RIMS1: variants seen among roughly 807,000 people sequenced by gnomAD.
RIMS1 encodes regulating synaptic membrane exocytosis 1, also known as regulating synaptic membrane exocytosis protein 1.
In RIMS1, 83 loss-of-function variants were observed where a neutral mutation model predicts 214.1. The ratio of observed to expected loss-of-function variants is 0.39; its 90% CI spans 0.32 to 0.47. The LOEUF (loss-of-function observed/expected upper bound fraction) is 0.47. Ranked by LOEUF, RIMS1 falls within the 20% of genes least tolerant of loss-of-function variation. The probability of loss-of-function intolerance (pLI) is 0.99; values close to 1 mark genes in which losing one functional copy is unlikely to be tolerated. For synonymous variants in RIMS1, 793 were observed against 786.8 expected (o/e 1.01, Z -0.13); for missense variants, 2,050 against 2,161.8 (o/e 0.95, Z 1.03).
In RIMS1 at chr6:72,042,139, G is replaced by T. The variant is rs372033345; in HGVS notation, c.246-54810G>T. Among the ~76,000 whole-genome samples the T allele has an allele frequency of 2.0e-5, 3 of 151,864 alleles. No individual in the cohort carries two copies. The East Asian group carries it at 5.8e-4, about 29-fold the overall frequency. The stretch of plus-strand genomic sequence containing the variant: ...TATTTTAAGATAACACACAATATTG[G>T]TATTAGTTTTGTCACAAATTGACTA... On this transcript the variant is annotated intron_variant, in intron 2 of 33. Coordinates refer to ENST00000521978, the MANE Select transcript of RIMS1 (RefSeq NM_014989.7).
intron 31 of RIMS1, among the ~76,000 whole-genome samples, chr6:72,393,350 G>A (rs2098731218): frequency 2.0e-5 from 3 of 152,174 alleles, no homozygotes; most frequent in Admixed American, 2.0e-4. Flanking sequence ...ACAACATAGT[G>A]GAATTTCACA....
chr6:72,277,933 G>A (rs2087527457), intron 23 of RIMS1, among the ~76,000 whole-genome samples: 1 of 152,106 alleles, frequency 6.6e-6, no homozygotes. Flanking sequence ...AAGCATCAGA[G>A]TTCTGAGTTT....
At chr6:71,899,211 G>T (rs750482026) in intron 1 of RIMS1, among the ~76,000 whole-genome samples, 3 of 151,882 alleles carry the variant, frequency 2.0e-5, no homozygotes, top group Non-Finnish European at 4.4e-5. Flanking sequence ...TCCCTGAAAG[G>T]TACATTTTTA....
At chr6:72,259,959 C>T (rs1044981747) in intron 18 of RIMS1, among the ~76,000 whole-genome samples, 1 of 152,060 alleles carries the variant, frequency 6.6e-6, no homozygotes, top group African/African-American at 2.4e-5. Flanking sequence ...CTTAACCTAC[C>T]TAATTGCCAT....
At chr6:72,141,621 T>C (rs2042089741) in intron 4 of RIMS1, among the ~76,000 whole-genome samples, 1 of 152,058 alleles carries the variant, frequency 6.6e-6, no homozygotes. Context: ...TAATTTTCCT[T>C]ACATTTTGAC....
intron 26 of RIMS1, among the ~76,000 whole-genome samples, chr6:72,303,516 A>G (rs539432097): frequency 8.6e-5 from 13 of 151,350 alleles, no homozygotes; most frequent in African/African-American, 3.1e-4. Flanking sequence ...AATTATATTT[A>G]TTTTTCTTAT....
chr6:72,268,093 G>T (rs920636806), intron 22 of RIMS1, among the ~76,000 whole-genome samples: 5 of 152,014 alleles, frequency 3.3e-5, no homozygotes, highest in African/African-American at 1.2e-4. Context: ...CTTAGATAAG[G>T]TTTCATCAAG....
intron 6 of RIMS1, among the ~76,000 whole-genome samples, chr6:72,208,494 A>G (rs1249008327): frequency 6.6e-6 from 1 of 152,222 alleles, no homozygotes; most frequent in Non-Finnish European, 1.5e-5. Context: ...GGCTTTGTAA[A>G]TTGGAATCCT....
rs1013105964 is a variant in RIMS1 at position 72,122,597 on chromosome 6, G to T, written c.471+22611G>T. Reference sequence around the variant, plus strand: ...TCTGGTGGAATTTGGCTGTGAATTTGTCTGGTCCTGGACTTTTTTTGGTTT... The same window carrying T: ...TCTGGTGGAATTTGGCTGTGAATTTTTCTGGTCCTGGACTTTTTTTGGTTT... On this transcript the variant is annotated intron_variant, in intron 4 of 33. Transcript: ENST00000521978. Among the ~76,000 whole-genome samples the T allele has an allele frequency of 8.6e-5, 13 of 151,736 alleles. 1 individual carries two copies. Among genetic ancestry groups the T allele is most frequent in the African/African-American group, 2.9e-4 (12 of 41,394 alleles).
At chr6:72,143,481 C>A (rs986257199) in intron 4 of RIMS1, among the ~76,000 whole-genome samples, 3 of 152,042 alleles carry the variant, frequency 2.0e-5, no homozygotes, top group Admixed American at 6.6e-5. Context: ...AAAAAATGGT[C>A]AATTCCAGAA....
intron 26 of RIMS1, among the ~76,000 whole-genome samples, chr6:72,294,637 C>G (rs2093855291): frequency 6.6e-6 from 1 of 151,680 alleles, no homozygotes; most frequent in South Asian, 2.1e-4. Flanking sequence ...TTGACTGTTT[C>G]ACTGGAAGTA....
chr6:72,367,072 G>A (rs977137580), intron 29 of RIMS1, among the ~76,000 whole-genome samples: 4 of 152,090 alleles, frequency 2.6e-5, no homozygotes, highest in South Asian at 2.1e-4. Context: ...TGCAGTGGAC[G>A]AAATAATTAA....
At chr6:72,254,195 T>A (rs899693043) in intron 16 of RIMS1, among the ~76,000 whole-genome samples, 8 of 152,186 alleles carry the variant, frequency 5.3e-5, no homozygotes, top group Non-Finnish European at 1.5e-5. Flanking sequence ...TGTGTGAAAG[T>A]AGAAAATATT....
In RIMS1 at chr6:72,155,456, A is replaced by G. The variant is rs1322720964; in HGVS notation, c.472-24119A>G. Among the ~76,000 whole-genome samples the G allele has an allele frequency of 5.7e-5, 8 of 139,906 alleles. 1 individual carries two copies. The highest frequency in any genetic ancestry group is 9.9e-5 in the African/African-American group (4 of 40,446). 91.8% of individuals were successfully genotyped at this position (139,906 alleles called of 152,430 possible). A position where few individuals can be genotyped will look rare whatever the true frequency, so the allele number is the denominator to read the frequency against. On this transcript the variant is annotated intron_variant, in intron 4 of 33. Transcript: ENST00000521978. Reference sequence around the variant, plus strand: ...CACATTTTCAGGTATCTTTTCAGCAACACCCCATTCTCGTTACCAATATAC... The same window carrying G: ...CACATTTTCAGGTATCTTTTCAGCAGCACCCCATTCTCGTTACCAATATAC...
chr6:71,945,597 G>A (rs779886506), intron 1 of RIMS1, among the ~76,000 whole-genome samples: 1 of 152,014 alleles, frequency 6.6e-6, no homozygotes, highest in African/African-American at 2.4e-5. Flanking sequence ...TTTTTCCTAA[G>A]ATCAGAAACA....
intron 16 of RIMS1, among the ~76,000 whole-genome samples, chr6:72,253,485 T>A (rs2074370120): frequency 6.6e-6 from 1 of 152,158 alleles, no homozygotes; most frequent in African/African-American, 2.4e-5. Flanking sequence ...AAGTGTAAAA[T>A]CAAGTGGTAA....
intron 10 of RIMS1, among the ~76,000 whole-genome samples, chr6:72,243,905 G>T (rs1211667159): frequency 1.3e-5 from 2 of 149,632 alleles, no homozygotes; most frequent in African/African-American, 4.9e-5. Flanking sequence ...CAGAATCAAA[G>T]GTAGTATCAA....
intron 4 of RIMS1, among the ~76,000 whole-genome samples, chr6:72,177,433 G>A (rs1282380316): frequency 6.6e-6 from 1 of 151,928 alleles, no homozygotes; most frequent in Non-Finnish European, 1.5e-5. Flanking sequence ...TGTATTTTTA[G>A]TAGAGACGGG....
At chr6:72,271,284 AAAATATATATATATAT>A (rs1389359995) in intron 22 of RIMS1, among the ~76,000 whole-genome samples, 2 of 23,950 alleles carry the variant, frequency 8.4e-5, no homozygotes, top group Non-Finnish European at 1.1e-4. Flanking sequence ...AAAAAAAAAA[AAAATATATATATATAT>A]ATATATATAT....
Sources: gnomAD v4.1 joint callset for allele counts (sites outside exome capture counted in the v4.1 genomes callset) on GRCh38, gnomAD v4.1.1 for gene constraint, MANE v1.5 for transcripts, NCBI Gene and HGNC (gene_info 2026-07-23, HGNC 2026-07-21) for gene names.